ADK: variants seen among roughly 807,000 people sequenced by gnomAD.
The protein encoded by ADK is adenosine kinase.
ADK carries 24 observed loss-of-function variants against 44.7 expected under a neutral mutation model. The ratio of observed to expected loss-of-function variants is 0.54; its 90% CI spans 0.39 to 0.76. ADK has a LOEUF of 0.76. Ranked by LOEUF, ADK falls within the 30% of genes least tolerant of loss-of-function variation. The pLI is 0.00. For missense variants in ADK, 321 were observed against 425.1 expected, an observed-to-expected ratio of 0.76 and a Z score of 2.15; for synonymous variants, 128 against 142.6, an observed-to-expected ratio of 0.90 and a Z score of 0.73.
intron 4 of ADK, among the ~76,000 whole-genome samples, chr10:74,359,363 G>T (rs1054872211): frequency 1.3e-5 from 2 of 152,066 alleles, no homozygotes; most frequent in South Asian, 2.1e-4. Flanking sequence ...GAATGCCTTT[G>T]GTATTTTCAT....
intron 3 of ADK, among the ~76,000 whole-genome samples, chr10:74,231,017 A>C (rs1342918910): frequency 2.0e-5 from 3 of 152,060 alleles, no homozygotes; most frequent in African/African-American, 7.2e-5. Flanking sequence ...ATTAATATCC[A>C]TTGCAAGACT....
In ADK at chr10:74,648,871, A is replaced by G. The variant is rs532212561; in HGVS notation, c.878-21312A>G. On this transcript the variant is annotated intron_variant, in intron 9 of 10. Transcript: ENST00000539909. Reference sequence around the variant, plus strand: ...ATTTAGGATTTTAATTGTAATTGCCATAGTAACCACTAAGAAAATAAGAAA... The same window carrying G: ...ATTTAGGATTTTAATTGTAATTGCCGTAGTAACCACTAAGAAAATAAGAAA... Among the ~76,000 whole-genome samples the G allele has an allele frequency of 1.4e-4, 21 of 152,200 alleles. No homozygotes were observed. In the South Asian group the frequency reaches 3.7e-3, roughly 27 times the overall value.
Position 74,394,139 on chromosome 10 carries a change from A to G in ADK, c.274-2A>G. ...TAAATTATTTATGTTCCTGTTTTAC[A>G]GTGGATGATTCAACAGCCACACAAA... On this transcript the variant is annotated splice_acceptor_variant, in intron 4 of 10. Coordinates refer to ENST00000539909, the MANE Select transcript of ADK (RefSeq NM_006721.4). LOFTEE classifies it high-confidence loss of function. The G allele has an allele frequency of 6.2e-7, 1 of 1,613,944 alleles. No individual in the cohort carries two copies. The highest frequency in any genetic ancestry group is 1.1e-5 in the South Asian group (1 of 91,074).
intron 4 of ADK, among the ~76,000 whole-genome samples, chr10:74,335,568 C>T (rs908756607): frequency 3.3e-5 from 5 of 152,122 alleles, no homozygotes; most frequent in East Asian, 3.9e-4. Context: ...AATATTTATA[C>T]GTTTTTGTGT....
At chr10:74,330,448 T>C (rs1268899514) in intron 4 of ADK, among the ~76,000 whole-genome samples, 3 of 152,152 alleles carry the variant, frequency 2.0e-5, no homozygotes, top group Admixed American at 2.0e-4. Context: ...TTTTAAAGCA[T>C]GTTCACAAGT....
intron 6 of ADK, among the ~76,000 whole-genome samples, chr10:74,440,141 GTT>G (rs1845347409): frequency 6.6e-6 from 1 of 151,882 alleles, no homozygotes; most frequent in African/African-American, 2.4e-5. Flanking sequence ...GCTTAGTATT[GTT>G]TAAATAATTT....
intron 3 of ADK, among the ~76,000 whole-genome samples, chr10:74,229,391 C>CTTTTTT (rs371346131): frequency 3.1e-5 from 3 of 97,240 alleles, no homozygotes; most frequent in Admixed American, 1.2e-4. Flanking sequence ...ATCTGGTATG[C>CTTTTTT]TTTTTTTTTT....
chr10:74,435,537 G>T (rs566217717), intron 6 of ADK, among the ~76,000 whole-genome samples: 8 of 151,968 alleles, frequency 5.3e-5, no homozygotes, highest in African/African-American at 1.4e-4. Context: ...GCAAAAAACC[G>T]CCCAAATTTA....
chr10:74,323,667 G>GT (rs1303170014), intron 4 of ADK, among the ~76,000 whole-genome samples: 1 of 150,702 alleles, frequency 6.6e-6, no homozygotes, highest in Non-Finnish European at 1.5e-5. Flanking sequence ...ACCTCCCGGG[G>GT]TCACACCATT....
At position 74,161,909 on chromosome 10, in the gene ADK, C is replaced by T. The variant is rs931076116; in HGVS notation, c.65+10566C>T. On this transcript the variant is annotated intron_variant, in intron 1 of 10. Coordinates refer to ENST00000539909, the MANE Select transcript of ADK (RefSeq NM_006721.4). ...ATTTTCTTTTGTAGAAACAGGGTCT[C>T]ACTCTATTGCCCAGGCTGGTCTTGA... is the stretch of plus-strand genomic sequence containing the variant. Among the ~76,000 whole-genome samples the T allele has an allele frequency of 2.6e-5, 4 of 152,114 alleles. No homozygotes were observed. In the South Asian group the frequency reaches 8.3e-4, roughly 32 times the overall value.
At chr10:74,592,650 C>A (rs1851763277) in intron 8 of ADK, among the ~76,000 whole-genome samples, 1 of 151,994 alleles carries the variant, frequency 6.6e-6, no homozygotes, top group Admixed American at 6.5e-5. Flanking sequence ...ATCCTTTTCG[C>A]CTTTTTCACT....
At chr10:74,284,244 G>A (rs1161312714) in intron 3 of ADK, among the ~76,000 whole-genome samples, 1 of 150,910 alleles carries the variant, frequency 6.6e-6, no homozygotes, top group East Asian at 1.9e-4. Flanking sequence ...ACAGGCATGA[G>A]CCACCACGCC....
intron 7 of ADK, among the ~76,000 whole-genome samples, chr10:74,571,199 AT>A (rs1459972311): frequency 6.6e-6 from 1 of 151,766 alleles, no homozygotes; most frequent in Non-Finnish European, 1.5e-5. Flanking sequence ...CCAGTATTTT[AT>A]TGAGGATTTT....
intron 2 of ADK, among the ~76,000 whole-genome samples, chr10:74,207,996 A>T (rs1278157890): frequency 6.6e-6 from 1 of 151,888 alleles, no homozygotes; most frequent in Non-Finnish European, 1.5e-5. Flanking sequence ...TAAAGTCCAG[A>T]GGGGGCTGAG....
chr10:74,253,880 C>T (rs1211552597), intron 3 of ADK, among the ~76,000 whole-genome samples: 3 of 150,554 alleles, frequency 2.0e-5, no homozygotes, highest in African/African-American at 7.3e-5. Flanking sequence ...GATTCTTTTG[C>T]CTCAGCCTCC....
At chr10:74,691,611 G>T (rs940670648) in intron 10 of ADK, among the ~76,000 whole-genome samples, 2 of 152,172 alleles carry the variant, frequency 1.3e-5, no homozygotes, top group African/African-American at 4.8e-5. Context: ...CTGAGCCAGA[G>T]CCATGGAGAA....
chr10:74,405,777 G>GA, intron 6 of ADK, among the ~76,000 whole-genome samples: 1 of 152,112 alleles, frequency 6.6e-6, no homozygotes, highest in South Asian at 2.1e-4. Flanking sequence ...AGACTTTGAT[G>GA]AAAAAAATGA....
intron 10 of ADK, among the ~76,000 whole-genome samples, chr10:74,689,778 G>T (rs1396768249): frequency 6.6e-6 from 1 of 152,202 alleles, no homozygotes; most frequent in Non-Finnish European, 1.5e-5. Context: ...TTTACCTCAA[G>T]CCACAGAATT....
At chr10:74,378,822 C>T (rs896025092) in intron 4 of ADK, among the ~76,000 whole-genome samples, 4 of 151,830 alleles carry the variant, frequency 2.6e-5, no homozygotes, top group African/African-American at 4.8e-5. Context: ...AGTAGGGAGC[C>T]GGGTGTGGTG....
Sources: gnomAD v4.1 joint callset for allele counts (sites outside exome capture counted in the v4.1 genomes callset) on GRCh38, gnomAD v4.1.1 for gene constraint, MANE v1.5 for transcripts, NCBI Gene and HGNC (gene_info 2026-07-23, HGNC 2026-07-21) for gene names.